TMEM132E: variants seen among roughly 807,000 people sequenced by gnomAD.
The protein encoded by TMEM132E is transmembrane protein 132E.
In TMEM132E, 49 loss-of-function variants were observed where a neutral mutation model predicts 78.5. That is an observed-to-expected ratio of 0.62 (90% confidence interval 0.50 to 0.79). The LOEUF is 0.79. TMEM132E is among the 30% of genes least tolerant of loss of function. The pLI is 0.00. For synonymous variants in TMEM132E, 715 were observed against 670.6 expected (o/e 1.07, Z -1.02); for missense variants, 1,403 against 1,470.9 (o/e 0.95, Z 0.75).
Position 34,636,001 on chromosome 17 carries a change from C to T in TMEM132E, c.1978-6C>T. ...TCTCTCCCACCCCGGTCCCGCTCTGCCTCAGGTGGTGTCTCCGCTGACGGA... is the reference window on the plus strand; with the variant it reads ...TCTCTCCCACCCCGGTCCCGCTCTGTCTCAGGTGGTGTCTCCGCTGACGGA... On this transcript the variant is annotated splice_region_variant and splice_polypyrimidine_tract_variant and intron_variant, in intron 7 of 8. Transcript: ENST00000631683. 1 of 1,454,916 alleles carries T rather than the reference C, an allele frequency of 6.9e-7. No individual in the cohort carries two copies. Among genetic ancestry groups the T allele is most frequent in the Non-Finnish European group, 9.1e-7 (1 of 1,100,550 alleles). 90.1% of individuals were successfully genotyped at this position (1,454,916 alleles called of 1,614,324 possible).
At position 34,632,966 on chromosome 17, in the gene TMEM132E, G is replaced by A. The variant is rs893441591; in HGVS notation, c.1688+57G>A. The stretch of plus-strand genomic sequence containing the variant: ...GAAACTCATGGGTGGATACAGCCTC[G>A]GCCCACAGTCTGATCTGCATATGGG... On this transcript the variant is annotated intron_variant, in intron 6 of 8. Transcript: ENST00000631683. 1.6e-5 allele frequency: 25 copies of A among 1,592,624 alleles called. No homozygotes were observed. The African/African-American group carries it at 2.8e-4, about 18-fold the overall frequency.
chr17:34,584,382 C>T (rs1905594850), intron 1 of TMEM132E, among the ~76,000 whole-genome samples: 1 of 152,262 alleles, frequency 6.6e-6, no homozygotes, highest in South Asian at 2.1e-4. Flanking sequence ...TACCCCCTAG[C>T]TTCTCACCAG....
Position 34,637,534 on chromosome 17 carries a change from G to A in TMEM132E, c.2527G>A (p.Gly843Ser), listed in dbSNP as rs1907567456. Reference sequence around the variant, plus strand: ...GGGCGAGGACGAGGCCCGGGGAGCTGGCCCGCCGGGCTCTGCGCTACCCGC... The same window carrying A: ...GGGCGAGGACGAGGCCCGGGGAGCTAGCCCGCCGGGCTCTGCGCTACCCGC... Reference protein sequence around the residue: ...GGGEDEARGAGPPGSALPAPE... With the variant: ...GGGEDEARGASPPGSALPAPE... The change falls in exon 9 of 9, where the codon GGC (glycine) becomes AGC (serine). Residue 843 changes from glycine (G) to serine (S), a missense_variant. Gly to Ser is a moderately conservative substitution (Grantham distance 56). Transcript: ENST00000631683. 6.3e-7 allele frequency: 1 copy of A among 1,597,688 alleles called. No individual in the cohort carries two copies. The highest frequency in any genetic ancestry group is 1.3e-5 in the African/African-American group (1 of 74,568).
rs1555565384 is a variant in TMEM132E at position 34,638,266 on chromosome 17, C to CCGA, written c.*35_*36insGAC. 6.0e-5 allele frequency: 88 copies of CCGA among 1,463,306 alleles called. No individual in the cohort carries two copies. Among genetic ancestry groups the CCGA allele is most frequent in the Non-Finnish European group, 7.6e-5 (84 of 1,103,726 alleles). The allele number at this position is 1,463,306 out of a possible 1,614,324, so 90.6% of individuals were successfully genotyped here. A position where few individuals can be genotyped will look rare whatever the true frequency, so the allele number is the denominator to read the frequency against. ...GCCGGAGTAGCAGGGACCCCCCCCCCCAACGGGGTCAGCTCGGGGTAGGAC... is the reference window on the plus strand; with the variant it reads ...GCCGGAGTAGCAGGGACCCCCCCCCCCGACAACGGGGTCAGCTCGGGGTAGGAC... On this transcript the variant is annotated 3_prime_UTR_variant, in exon 9 of 9. Coordinates refer to ENST00000631683, the MANE Select transcript of TMEM132E (RefSeq NM_001304438.2).
chr17:34,610,568 A>T (rs1221698987), intron 1 of TMEM132E, among the ~76,000 whole-genome samples: 2 of 152,214 alleles, frequency 1.3e-5, no homozygotes, highest in African/African-American at 2.4e-5. Flanking sequence ...ATGCTGCGAG[A>T]AAAAGGACAT....
Position 34,637,422 on chromosome 17 carries a change from C to T in TMEM132E, c.2415C>T (p.Thr805=), listed in dbSNP as rs372822519. 5.0e-6 allele frequency: 8 copies of T among 1,613,766 alleles called. No homozygotes were observed. Among genetic ancestry groups the T allele is most frequent in the Non-Finnish European group, 6.8e-6 (8 of 1,180,032 alleles). Residue 805 remains threonine, a synonymous_variant, in exon 9 of 9, where the codon ACC becomes ACT. Coordinates refer to ENST00000631683, the MANE Select transcript of TMEM132E (RefSeq NM_001304438.2). ...KTKRKSVLAT[T]PVGLRVHFGR... ...AACGCAAGAGTGTGCTCGCCACGACCCCTGTGGGCCTGCGGGTGCACTTTG... is the reference window on the plus strand; with the variant it reads ...AACGCAAGAGTGTGCTCGCCACGACTCCTGTGGGCCTGCGGGTGCACTTTG...
chr17:34,617,401 C>A (rs892804943), intron 1 of TMEM132E, among the ~76,000 whole-genome samples: 4 of 152,204 alleles, frequency 2.6e-5, no homozygotes, highest in African/African-American at 9.7e-5. Flanking sequence ...ACTTAACCAA[C>A]CTTGGCAGAA....
Position 34,580,960 on chromosome 17 carries a change from G to T in TMEM132E, c.-117G>T. On this transcript the variant is annotated 5_prime_UTR_variant, in exon 1 of 9. Coordinates refer to ENST00000631683, the MANE Select transcript of TMEM132E (RefSeq NM_001304438.2). ...AATTGCACTCTCTGGTCCCGGAGCT[G>T]CATCTGAGACAGCCGGGCGCCACGG... The T allele has an allele frequency of 1.4e-6, 1 of 725,700 alleles. No homozygotes were observed. Among genetic ancestry groups the T allele is most frequent in the Non-Finnish European group, 2.1e-6 (1 of 465,500 alleles). 45.0% of individuals were successfully genotyped at this position (725,700 alleles called of 1,614,324 possible). A position where few individuals can be genotyped will look rare whatever the true frequency, so the allele number is the denominator to read the frequency against.
intron 4 of TMEM132E, among the ~76,000 whole-genome samples, 163 bp downstream of exon 4, chr17:34,629,367 ATG>A (rs2142082501): frequency 1.3e-5 from 2 of 152,286 alleles, no homozygotes; most frequent in East Asian, 3.9e-4. Flanking sequence ...AGGTGCATGC[ATG>A]TGTTTTATAT....
rs1208235237 is a variant in TMEM132E, at chr17:34,626,031, C to T, written c.68-96C>T. On this transcript the variant is annotated intron_variant, in intron 1 of 8. Transcript: ENST00000631683. The stretch of plus-strand genomic sequence containing the variant: ...TGCCCAGCTAGAGGAGTTGGCAGCC[C>T]TCTGTGGGGTGGGAGAGACGAGCCT... 38 of 1,190,492 alleles carry T rather than the reference C, an allele frequency of 3.2e-5. No homozygotes were observed. In the South Asian group the frequency reaches 4.9e-4, roughly 15 times the overall value. The allele number at this position is 1,190,492 out of a possible 1,614,324, so 73.7% of individuals were successfully genotyped here. A position where few individuals can be genotyped will look rare whatever the true frequency, so the allele number is the denominator to read the frequency against.
At chr17:34,613,209 A>ATGCG (rs1906660209) in intron 1 of TMEM132E, among the ~76,000 whole-genome samples, 1 of 63,514 alleles carries the variant, frequency 1.6e-5, no homozygotes, top group South Asian at 5.8e-4. Context: ...ACACACACAC[A>ATGCG]CACGCGCGCG....
chr17:34,627,467 C>CGTGTGCGTGTGTGTGTGTGTGT (rs146318983), intron 2 of TMEM132E, among the ~76,000 whole-genome samples: 39 of 126,536 alleles, frequency 3.1e-4, no homozygotes, highest in African/African-American at 1.1e-3. Context: ...CCAAAAGAAT[C>CGTGTGCGTGTGTGTGTGTGTGT]GTGTGTGTGT....
intron 1 of TMEM132E, among the ~76,000 whole-genome samples, chr17:34,613,172 T>TACACACACACACACA (rs1416893742): frequency 3.6e-5 from 4 of 112,602 alleles, no homozygotes; most frequent in Admixed American, 1.0e-4. Flanking sequence ...TCTCTCTCTC[T>TACACACACACACACA]CTACACACAC....
At chr17:34,627,808 C>T (rs557048113) in intron 2 of TMEM132E, among the ~76,000 whole-genome samples, 6 of 152,134 alleles carry the variant, frequency 3.9e-5, no homozygotes, top group South Asian at 4.1e-4. Flanking sequence ...CAGTGTCCTA[C>T]CTTCAAGTTT....
intron 1 of TMEM132E, among the ~76,000 whole-genome samples, chr17:34,617,569 C>G (rs1906823802): frequency 6.6e-6 from 1 of 152,156 alleles, no homozygotes; most frequent in Non-Finnish European, 1.5e-5. Context: ...GAAATTACAC[C>G]AAGCGAGCAA....
chr17:34,623,915 C>T (rs1166786738), intron 1 of TMEM132E, among the ~76,000 whole-genome samples: 1 of 152,210 alleles, frequency 6.6e-6, no homozygotes, highest in Non-Finnish European at 1.5e-5. Context: ...AAACAACTTC[C>T]TGTCCTCACT....
intron 1 of TMEM132E, among the ~76,000 whole-genome samples, chr17:34,603,289 G>A (rs1296421741): frequency 6.6e-6 from 1 of 152,070 alleles, no homozygotes; most frequent in Admixed American, 6.5e-5. Context: ...TAGGGCAGGA[G>A]CCTGGAGGGT....
chr17:34,599,046 G>A (rs1906145738), intron 1 of TMEM132E, among the ~76,000 whole-genome samples: 1 of 152,234 alleles, frequency 6.6e-6, no homozygotes, highest in Non-Finnish European at 1.5e-5. Context: ...AAAATAACTA[G>A]CACTGTTGAG....
At chr17:34,629,497 G>A (rs1034009783) in intron 4 of TMEM132E, among the ~76,000 whole-genome samples, 1 of 152,162 alleles carries the variant, frequency 6.6e-6, no homozygotes, top group Non-Finnish European at 1.5e-5. Flanking sequence ...AGTCTTGGAG[G>A]TCACCTGGGA....
Sources: gnomAD v4.1 joint callset for allele counts (sites outside exome capture counted in the v4.1 genomes callset) on GRCh38, gnomAD v4.1.1 for gene constraint, MANE v1.5 for transcripts, NCBI Gene and HGNC (gene_info 2026-07-23, HGNC 2026-07-21) for gene names.